Variants in LEPR observed in about 807,000 individuals in gnomAD.
LEPR encodes leptin receptor.
Under a neutral mutation model 114.7 loss-of-function variants are expected in LEPR, and 56 were observed. That is an observed-to-expected ratio of 0.49 (90% CI 0.39 to 0.61). The LOEUF (loss-of-function observed/expected upper bound fraction) is 0.61, where lower values mean the gene tolerates loss of function less well. LEPR is among the 20% of genes least tolerant of loss of function. The pLI is 0.00. For synonymous variants in LEPR, 443 were observed against 461.4 expected (o/e 0.96, Z 0.51); for missense variants, 1,202 against 1,352.9 (o/e 0.89, Z 1.75).
intron 2 of LEPR, among the ~76,000 whole-genome samples, chr1:65,426,190 A>G (rs994471728): frequency 6.6e-6 from 1 of 152,192 alleles, no homozygotes; most frequent in African/African-American, 2.4e-5. Flanking sequence ...TCTCTAGGGA[A>G]AAAGCACTTT....
chr1:65,573,627 T>C (rs1654365925), intron 5 of LEPR, among the ~76,000 whole-genome samples: 2 of 152,224 alleles, frequency 1.3e-5, no homozygotes, highest in Admixed American at 6.5e-5. Flanking sequence ...TTAATTCTTC[T>C]ATTTGATGCT....
intron 2 of LEPR, among the ~76,000 whole-genome samples, chr1:65,505,131 G>A (rs1189072871): frequency 2.6e-5 from 4 of 152,060 alleles, no homozygotes; most frequent in Non-Finnish European, 5.9e-5. Context: ...AAAATGTTGT[G>A]TGTTGCCTCC....
chr1:65,528,711 C>T (rs1467317419), intron 2 of LEPR, among the ~76,000 whole-genome samples: 6 of 151,980 alleles, frequency 3.9e-5, no homozygotes, highest in African/African-American at 1.2e-4. Context: ...TTATTCACCA[C>T]CCCCAAAAAA....
At chr1:65,455,633 GTC>G (rs1646860118) in intron 2 of LEPR, among the ~76,000 whole-genome samples, 1 of 152,174 alleles carries the variant, frequency 6.6e-6, no homozygotes, top group Non-Finnish European at 1.5e-5. Flanking sequence ...GAGGCAGTCT[GTC>G]CGTTCTCAGA....
In LEPR at chr1:65,420,675, C is replaced by A. The variant is rs368145929; in HGVS notation, c.-162C>A. The A allele has an allele frequency of 1.1e-4, 179 of 1,562,010 alleles. No homozygotes were observed. Among genetic ancestry groups the A allele is most frequent in the Non-Finnish European group, 1.5e-4 (172 of 1,154,732 alleles). On this transcript the variant is annotated 5_prime_UTR_variant, in exon 1 of 20. Transcript: ENST00000349533. The stretch of plus-strand genomic sequence containing the variant: ...TCCCGGTCTGGCTTGGGCAGGCTGC[C>A]CGGGCCGTGGCAGGAAGCCGGAAGC...
chr1:65,572,418 T>G lies in LEPR; in HGVS notation c.463T>G (p.Tyr155Asp). 1 of 1,597,028 alleles carries G rather than the reference T, an allele frequency of 6.3e-7. No homozygotes were observed. Among genetic ancestry groups the G allele is most frequent in the Non-Finnish European group, 8.6e-7 (1 of 1,169,360 alleles). Residue 155 changes from tyrosine (Y) to aspartate (D), a missense_variant, in exon 5 of 20, where the codon TAT becomes GAT. Coordinates refer to ENST00000349533, the MANE Select transcript of LEPR (RefSeq NM_002303.6). ...ESLFKNLFRNYNYKVHLLYVL... is the reference protein window; with the variant it reads ...ESLFKNLFRNDNYKVHLLYVL... ...ATTATTTAAGAATCTATTCAGGAAT[T>G]ATAACTATAAGGTCCATCTTTTATA...
chr1:65,443,620 T>C (rs1420801499), intron 2 of LEPR, among the ~76,000 whole-genome samples: 1 of 151,964 alleles, frequency 6.6e-6, no homozygotes, highest in Non-Finnish European at 1.5e-5. Context: ...ACTGGAAAAA[T>C]GATTGGATGA....
At chr1:65,446,344 A>G (rs1234941406) in intron 2 of LEPR, among the ~76,000 whole-genome samples, 2 of 152,160 alleles carry the variant, frequency 1.3e-5, no homozygotes, top group African/African-American at 4.8e-5. Context: ...TGACATTGCC[A>G]TGGCATCTGT....
chr1:65,545,939 A>C (rs977506394), intron 2 of LEPR, among the ~76,000 whole-genome samples: 43 of 151,718 alleles, frequency 2.8e-4, no homozygotes, highest in Non-Finnish European at 5.3e-4. Flanking sequence ...TTATGGTTTT[A>C]GGTCTAACGT....
chr1:65,440,359 CTT>C (rs538956174), intron 2 of LEPR, among the ~76,000 whole-genome samples: 3 of 142,560 alleles, frequency 2.1e-5, no homozygotes, highest in Non-Finnish European at 3.1e-5. Flanking sequence ...ATGGTGCTTA[CTT>C]TTTTTTTTTT....
chr1:65,595,551 G>A (rs964396139), intron 6 of LEPR, among the ~76,000 whole-genome samples: 23 of 152,086 alleles, frequency 1.5e-4, no homozygotes, highest in East Asian at 1.2e-3. Context: ...TTTATAATAC[G>A]TCTCATAAAG....
At chr1:65,610,470 A>G (rs1231930761) in intron 14 of LEPR, among the ~76,000 whole-genome samples, 174 bp downstream of exon 14, 1 of 152,208 alleles carries the variant, frequency 6.6e-6, no homozygotes, top group Non-Finnish European at 1.5e-5. Flanking sequence ...AAGCACTGGC[A>G]TAGTGTTAGG....
intron 2 of LEPR, among the ~76,000 whole-genome samples, chr1:65,511,843 T>C (rs1649049493): frequency 6.6e-6 from 1 of 151,742 alleles, no homozygotes. Context: ...GAGCTAGGGG[T>C]GGAGAGAAAA....
intron 5 of LEPR, among the ~76,000 whole-genome samples, chr1:65,588,520 A>G (rs1414227424): frequency 1.3e-5 from 2 of 152,074 alleles, no homozygotes; most frequent in Non-Finnish European, 2.9e-5. Flanking sequence ...AAGTGAATAT[A>G]TCATCAATTA....
chr1:65,537,721 G>T (rs1650878568), intron 2 of LEPR, among the ~76,000 whole-genome samples: 1 of 152,014 alleles, frequency 6.6e-6, no homozygotes, highest in Admixed American at 6.6e-5. Context: ...ACCTAAATCT[G>T]ACAACTGTGT....
chr1:65,429,506 C>G (rs538641620), intron 2 of LEPR, among the ~76,000 whole-genome samples: 2 of 152,064 alleles, frequency 1.3e-5, no homozygotes, highest in African/African-American at 4.8e-5. Context: ...AGATCTTTAC[C>G]GAACTAGCTT....
intron 2 of LEPR, among the ~76,000 whole-genome samples, chr1:65,519,169 C>T (rs1649506054): frequency 2.0e-5 from 3 of 147,390 alleles, no homozygotes; most frequent in Non-Finnish European, 3.0e-5. Context: ...TCCTTCCTTC[C>T]TTCCGGGTCT....
chr1:65,551,103 C>T (rs1364315236), intron 2 of LEPR, among the ~76,000 whole-genome samples: 2 of 152,060 alleles, frequency 1.3e-5, no homozygotes, highest in African/African-American at 4.8e-5. Context: ...TGATGTGCTG[C>T]TGGATTCTTT....
At chr1:65,585,656 T>C (rs994676763) in intron 5 of LEPR, among the ~76,000 whole-genome samples, 2 of 152,022 alleles carry the variant, frequency 1.3e-5, no homozygotes, top group Non-Finnish European at 2.9e-5. Flanking sequence ...ACTGAGTTTG[T>C]ATATGTGTAT....
Sources: gnomAD v4.1 joint callset for allele counts (sites outside exome capture counted in the v4.1 genomes callset) on GRCh38, gnomAD v4.1.1 for gene constraint, MANE v1.5 for transcripts, NCBI Gene and HGNC (gene_info 2026-07-23, HGNC 2026-07-21) for gene names.